Variants in LRRC4B observed in about 807,000 individuals in gnomAD.
LRRC4B encodes the protein leucine rich repeat containing 4B, also known as leucine-rich repeat-containing protein 4B.
Under a neutral mutation model 7.3 loss-of-function variants are expected in LRRC4B, and 1 was observed. The ratio of observed to expected loss-of-function variants is 0.14; its 90% confidence interval spans 0.05 to 0.65. The LOEUF is 0.65. Ranked by LOEUF, LRRC4B falls within the 30% of genes least tolerant of loss-of-function variation. The pLI is 0.84. For synonymous variants in LRRC4B, 500 were observed against 499.2 expected (o/e 1.00, Z -0.02); for missense variants, 730 against 1,041.6 (o/e 0.70, Z 4.12).
intron 2 of LRRC4B, among the ~76,000 whole-genome samples, chr19:50,543,532 G>A (rs555214837): frequency 2.0e-4 from 31 of 151,958 alleles, no homozygotes; most frequent in Non-Finnish European, 3.8e-4. Context: ...ATGTCCCCCC[G>A]GTGTTGTTCA....
chr19:50,562,560 G>A (rs1335379797), intron 1 of LRRC4B, among the ~76,000 whole-genome samples: 1 of 152,172 alleles, frequency 6.6e-6, no homozygotes, highest in African/African-American at 2.4e-5. Context: ...CAGTGGAGCT[G>A]TGGCTGCACA....
rs1469982163 is a variant in LRRC4B at position 50,518,170 on chromosome 19, C to T, written c.1543G>A (p.Gly515Arg). The T allele has an allele frequency of 1.0e-5, 16 of 1,607,102 alleles. No homozygotes were observed. The highest frequency in any genetic ancestry group is 3.3e-4 in the Middle Eastern group (2 of 6,044). The change falls in exon 3 of 3, where the codon GGG becomes AGG. Residue 515 changes from glycine (G) to arginine (R), a missense_variant. Gly to Arg is a moderately radical substitution (Grantham distance 125, BLOSUM62 -2). Transcript: ENST00000652263. The stretch of plus-strand genomic sequence containing the variant: ...CCCCAGACACCGTCTGTCGTGGGCC[C>T]TGGCGGTTCCTTCTCCGTCCCCCGC... ...QPRGTEKEPP[G>R]PTTDGVWGGG...
At position 50,553,379 on chromosome 19, in the gene LRRC4B, C is replaced by T. The variant is rs1889073109; in HGVS notation, c.-35-4506G>A. On this transcript the variant is annotated intron_variant, in intron 1 of 2. Transcript: ENST00000652263. This position sits in a 1 kb window ranked among gnomAD's most constrained non-coding sequence, Gnocchi z 4.2. ...CTTCAGTTTTCAGGTCTCCACTCTCCACCCCAGCTCCTCCTCTGACCTCAT... is the reference window on the plus strand; with the variant it reads ...CTTCAGTTTTCAGGTCTCCACTCTCTACCCCAGCTCCTCCTCTGACCTCAT... Among the ~76,000 whole-genome samples, 2 of 152,332 alleles carry T rather than the reference C, an allele frequency of 1.3e-5. No individual in the cohort carries two copies. Among genetic ancestry groups the T allele is most frequent in the Admixed American group, 6.5e-5 (1 of 15,302 alleles).
At chr19:50,562,880 A>G (rs1358304562) in intron 1 of LRRC4B, among the ~76,000 whole-genome samples, 2 of 151,716 alleles carry the variant, frequency 1.3e-5, no homozygotes, top group African/African-American at 4.8e-5. Flanking sequence ...AGCTGGGATT[A>G]CAGACTCACA....
At chr19:50,541,428 T>C (rs1981546718) in intron 2 of LRRC4B, among the ~76,000 whole-genome samples, 1 of 144,664 alleles carries the variant, frequency 6.9e-6, no homozygotes, top group South Asian at 2.3e-4. Context: ...GCCAAAACCA[T>C]CTCCTCGACA....
intron 1 of LRRC4B, among the ~76,000 whole-genome samples, chr19:50,561,846 A>G (rs1243181651): frequency 1.3e-5 from 2 of 152,004 alleles, no homozygotes; most frequent in Non-Finnish European, 2.9e-5. Flanking sequence ...CTGTAATCCC[A>G]GCACTTTGGG....
chr19:50,546,059 G>T (rs1981791759), intron 2 of LRRC4B, among the ~76,000 whole-genome samples: 1 of 151,842 alleles, frequency 6.6e-6, no homozygotes, highest in Non-Finnish European at 1.5e-5. Context: ...TCTGGGCCAG[G>T]CGTGGTGGCT....
Position 50,568,158 on chromosome 19 carries a change from G to GA in LRRC4B, c.-251_-250insT, listed in dbSNP as rs1425097581. ...CAGCGGCGGCGGTGGGGCTGGGGGG[G>GA]CCGCTCTGCCTCCTCGCCTCGCGCC... On this transcript the variant is annotated 5_prime_UTR_variant, in exon 1 of 3. Transcript: ENST00000652263. 2.6e-5 allele frequency: 4 copies of GA among 152,420 alleles called. No individual in the cohort carries two copies. In the South Asian group the frequency reaches 5.9e-4, roughly 22 times the overall value. The allele number at this position is 152,420 out of a possible 1,614,324, so 9.4% of individuals were successfully genotyped here. A position where few individuals can be genotyped will look rare whatever the true frequency, so the allele number is the denominator to read the frequency against.
chr19:50,539,289 C>T (rs569413924), intron 2 of LRRC4B, among the ~76,000 whole-genome samples: 1 of 152,298 alleles, frequency 6.6e-6, no homozygotes, highest in South Asian at 2.1e-4. Flanking sequence ...GACATATATA[C>T]CTTCTGAGGC....
At chr19:50,566,159 AG>A (rs972410633) in intron 1 of LRRC4B, among the ~76,000 whole-genome samples, 6 of 121,746 alleles carry the variant, frequency 4.9e-5, no homozygotes, top group Admixed American at 1.1e-4. Context: ...AAGATGCTAC[AG>A]GAAGAGGGAG....
At chr19:50,554,137 G>A (rs1982194965) in intron 1 of LRRC4B, among the ~76,000 whole-genome samples, 1 of 151,778 alleles carries the variant, frequency 6.6e-6, no homozygotes. Context: ...GAGACTACAG[G>A]CGCTCACCAC....
At chr19:50,526,208 C>A (rs1432386244) in intron 2 of LRRC4B, among the ~76,000 whole-genome samples, 2 of 152,120 alleles carry the variant, frequency 1.3e-5, no homozygotes, top group East Asian at 3.9e-4. Flanking sequence ...TGGAGCAGCT[C>A]ATCCGCCTGG....
rs548763873 is a variant in LRRC4B, at chr19:50,529,198, T to C, written c.298-9783A>G. ...CCAACAGCAAAAAAACACTCTCTCA[T>C]ATCAATGCGTTAGGAGCCTGCACAC... On this transcript the variant is annotated intron_variant, in intron 2 of 2. Transcript: ENST00000652263. 4.6e-5 allele frequency among the ~76,000 whole-genome samples: 7 copies of C among 152,202 alleles called. No homozygotes were observed. The South Asian group carries it at 1.5e-3, about 32-fold the overall frequency.
chr19:50,560,482 A>G (rs1452885846), intron 1 of LRRC4B, among the ~76,000 whole-genome samples: 2 of 152,218 alleles, frequency 1.3e-5, no homozygotes, highest in African/African-American at 4.8e-5. Context: ...GATATCTGTG[A>G]TGAGTTTAGG....
At chr19:50,538,357 C>T (rs1317523744) in intron 2 of LRRC4B, among the ~76,000 whole-genome samples, 1 of 151,846 alleles carries the variant, frequency 6.6e-6, no homozygotes, top group African/African-American at 2.4e-5. Context: ...GCCACCGCGC[C>T]CGGCCCTCCC....
In LRRC4B at chr19:50,519,395, G is replaced by A. The variant is rs772698691; in HGVS notation, c.318C>T (p.Phe106=). 6.9e-5 allele frequency: 110 copies of A among 1,602,422 alleles called. No homozygotes were observed. Among genetic ancestry groups the A allele is most frequent in the Middle Eastern group, 3.3e-4 (2 of 6,078 alleles). The change falls in exon 3 of 3, where the codon TTC becomes TTT. Residue 106 remains phenylalanine, a synonymous_variant. Transcript: ENST00000652263. This position sits in a 1 kb window ranked among gnomAD's most constrained non-coding sequence, Gnocchi z 8.1. The stretch of plus-strand genomic sequence containing the variant: ...GAATCTCCAGGTGCCGCAGGTGCTT[G>A]AACGTGTCCGTCCGGATCACCTGGG... ...NGIQVIRTDT[F]KHLRHLEILQ...
intron 1 of LRRC4B, among the ~76,000 whole-genome samples, chr19:50,560,042 G>A (rs1343359151): frequency 6.6e-6 from 1 of 152,214 alleles, no homozygotes; most frequent in Non-Finnish European, 1.5e-5. Flanking sequence ...GGCTGAGGCA[G>A]GAGAATCACT....
chr19:50,547,285 C>CCTGGTG (rs1981857817), intron 2 of LRRC4B, among the ~76,000 whole-genome samples: 1 of 152,010 alleles, frequency 6.6e-6, no homozygotes, highest in Non-Finnish European at 1.5e-5. Context: ...TGGACCCCTT[C>CCTGGTG]GCTGGCCCTT....
intron 2 of LRRC4B, among the ~76,000 whole-genome samples, chr19:50,531,425 G>A (rs1297346674): frequency 2.0e-5 from 3 of 152,216 alleles, no homozygotes; most frequent in South Asian, 2.1e-4. Flanking sequence ...CGCTCAGCAC[G>A]CAGTGACCCA....
Sources: allele counts gnomAD v4.1 joint callset (sites outside exome capture counted in the v4.1 genomes callset), GRCh38; gene constraint gnomAD v4.1.1; non-coding constraint Gnocchi (gnomAD v3.1); transcripts MANE v1.5; gene names NCBI Gene and HGNC (gene_info 2026-07-23, HGNC 2026-07-21).